The following UNC5B variants were observed in gnomAD, a reference collection of about 807,000 sequenced individuals.
The protein encoded by UNC5B is unc-5 netrin receptor B.
UNC5B carries 56 observed loss-of-function variants against 103.7 expected under a neutral mutation model. The ratio of observed to expected loss-of-function variants is 0.54; its 90% CI spans 0.44 to 0.67. The LOEUF (loss-of-function observed/expected upper bound fraction) is 0.67, where lower values mean the gene tolerates loss of function less well. UNC5B is among the 30% of genes least tolerant of loss of function. The pLI, the probability that UNC5B is intolerant of heterozygous loss-of-function variation, is 0.00. For missense variants in UNC5B, 1,194 were observed against 1,284.5 expected (o/e 0.93, Z 1.08); for synonymous variants, 577 against 542.0 (o/e 1.06, Z -0.90).
intron 8 of UNC5B, among the ~76,000 whole-genome samples, chr10:71,289,402 CT>C (rs1289192263): frequency 3.9e-5 from 6 of 152,192 alleles, no homozygotes; most frequent in African/African-American, 1.2e-4. Flanking sequence ...CCAGTCCCCC[CT>C]CATGCCCCTT....
At chr10:71,293,657 T>C (rs200540956) in intron 12 of UNC5B, 43 bp from the exon 13 acceptor site, 7 of 1,602,206 alleles carry the variant, frequency 4.4e-6, no homozygotes, top group Non-Finnish European at 6.0e-6. Context: ...TGGCCCAGCC[T>C]GAATAACTGT....
intron 1 of UNC5B, among the ~76,000 whole-genome samples, chr10:71,254,637 T>A (rs1017035131): frequency 6.6e-6 from 1 of 152,182 alleles, no homozygotes; most frequent in Non-Finnish European, 1.5e-5. Context: ...TTCTCCCGCC[T>A]CCCACCTTCC....
intron 1 of UNC5B, among the ~76,000 whole-genome samples, chr10:71,227,251 C>T (rs979248763): frequency 9.9e-5 from 15 of 152,134 alleles, no homozygotes; most frequent in Non-Finnish European, 1.2e-4. Flanking sequence ...TCTCAAAGTG[C>T]TGGGATTACA....
At position 71,286,873 on chromosome 10, in the gene UNC5B, C is replaced by T. The variant is rs556298114; in HGVS notation, c.733+4C>T. Reference sequence around the variant, plus strand: ...ACTGCCACCGTCATCGTCTACGGTGCGGGCCTTTCGGAGTGGGAGGGGCAG... The same window carrying T: ...ACTGCCACCGTCATCGTCTACGGTGTGGGCCTTTCGGAGTGGGAGGGGCAG... On this transcript the variant is annotated splice_donor_region_variant and intron_variant, in intron 5 of 16. Coordinates refer to ENST00000335350, the MANE Select transcript of UNC5B (RefSeq NM_170744.5). 2.3e-5 allele frequency: 37 copies of T among 1,611,966 alleles called. No homozygotes were observed. In the South Asian group the frequency reaches 3.4e-4, roughly 15 times the overall value.
intron 14 of UNC5B, 134 bp from the exon 15 acceptor site, chr10:71,296,444 A>G (rs1845413896): frequency 2.8e-5 from 29 of 1,022,368 alleles, no homozygotes; most frequent in Non-Finnish European, 4.0e-5. Flanking sequence ...AGCTTAGGGC[A>G]CTTGACCCCT....
intron 1 of UNC5B, among the ~76,000 whole-genome samples, chr10:71,223,115 G>A (rs902529288): frequency 2.6e-5 from 4 of 152,168 alleles, no homozygotes; most frequent in South Asian, 2.1e-4. Context: ...GGGCTCCAGG[G>A]TTGGGGAGAC....
intron 1 of UNC5B, among the ~76,000 whole-genome samples, chr10:71,256,488 C>G (rs1372595399): frequency 6.6e-6 from 1 of 152,270 alleles, no homozygotes; most frequent in African/African-American, 2.4e-5. Context: ...GTGACAGGGG[C>G]AACCACCATT....
rs1229928825 is a variant in UNC5B at position 71,299,105 on chromosome 10, C to G, written c.2673-7C>G. ...GGGAACCTCAGTGCCCTCCTTCCCT[C>G]TGCCAGGTACCTGAATTACTTTGCC... On this transcript the variant is annotated splice_region_variant and splice_polypyrimidine_tract_variant and intron_variant, in intron 16 of 16. Coordinates refer to ENST00000335350, the MANE Select transcript of UNC5B (RefSeq NM_170744.5). 1 of 1,614,138 alleles carries G rather than the reference C, an allele frequency of 6.2e-7. No homozygotes were observed. The highest frequency in any genetic ancestry group is 1.6e-4 in the Middle Eastern group (1 of 6,062).
chr10:71,271,954 G>A (rs113065070), intron 1 of UNC5B, among the ~76,000 whole-genome samples: 6 of 152,264 alleles, frequency 3.9e-5, no homozygotes, highest in African/African-American at 1.2e-4. Context: ...CATCGGTAAC[G>A]GCCATTGTGA....
At chr10:71,225,672 T>G (rs1353391361) in intron 1 of UNC5B, among the ~76,000 whole-genome samples, 5 of 152,084 alleles carry the variant, frequency 3.3e-5, no homozygotes, top group Admixed American at 3.3e-4. Flanking sequence ...GAGTAGAGAG[T>G]TAGAGTTTTC....
chr10:71,269,032 G>A (rs952059823), intron 1 of UNC5B, among the ~76,000 whole-genome samples: 17 of 152,292 alleles, frequency 1.1e-4, no homozygotes, highest in Admixed American at 1.1e-3. Flanking sequence ...GGGGGCTGGT[G>A]GGGGGAGACA....
intron 1 of UNC5B, among the ~76,000 whole-genome samples, chr10:71,258,417 T>C (rs941078026): frequency 1.1e-4 from 16 of 152,292 alleles, no homozygotes; most frequent in African/African-American, 3.6e-4. Context: ...GAAGACCTGG[T>C]GGTCTCAGCC....
chr10:71,289,247 G>C (rs962018950), intron 8 of UNC5B, among the ~76,000 whole-genome samples: 4 of 152,254 alleles, frequency 2.6e-5, no homozygotes, highest in African/African-American at 9.6e-5. Context: ...CTGAGTCACA[G>C]AGAGAGGAAG....
At chr10:71,253,905 T>C (rs2132273362) in intron 1 of UNC5B, among the ~76,000 whole-genome samples, 1 of 152,114 alleles carries the variant, frequency 6.6e-6, no homozygotes, top group East Asian at 1.9e-4. Context: ...AGGTGGAGGG[T>C]CCCAGGGACC....
At chr10:71,289,606 G>A (rs988024243) in intron 8 of UNC5B, among the ~76,000 whole-genome samples, 7 of 152,250 alleles carry the variant, frequency 4.6e-5, no homozygotes, top group Non-Finnish European at 1.0e-4. Flanking sequence ...AGTTAGTTCT[G>A]GAATCATAAA....
At chr10:71,269,308 G>T (rs1844590933) in intron 1 of UNC5B, among the ~76,000 whole-genome samples, 5 of 147,216 alleles carry the variant, frequency 3.4e-5, no homozygotes, top group Admixed American at 2.1e-4. Flanking sequence ...CCAAACATCT[G>T]TTTTCAATTA....
chr10:71,259,784 C>T (rs1430848738), intron 1 of UNC5B, among the ~76,000 whole-genome samples: 1 of 152,236 alleles, frequency 6.6e-6, no homozygotes, highest in East Asian at 1.9e-4. Context: ...GGTAGCTCAG[C>T]CATAGCCAGG....
At chr10:71,253,123 C>T (rs1844213011) in intron 1 of UNC5B, among the ~76,000 whole-genome samples, 1 of 152,216 alleles carries the variant, frequency 6.6e-6, no homozygotes, top group Non-Finnish European at 1.5e-5. Flanking sequence ...ACTTCACCTC[C>T]TCACCTGTGG....
At chr10:71,238,155 C>T (rs894173542) in intron 1 of UNC5B, among the ~76,000 whole-genome samples, 24 of 152,266 alleles carry the variant, frequency 1.6e-4, no homozygotes, top group African/African-American at 5.5e-4. Flanking sequence ...GCCCCCCTGC[C>T]CTGGGTGGAA....
Sources: gnomAD v4.1 joint callset for allele counts (sites outside exome capture counted in the v4.1 genomes callset) on GRCh38, gnomAD v4.1.1 for gene constraint, MANE v1.5 for transcripts, NCBI Gene and HGNC (gene_info 2026-07-23, HGNC 2026-07-21) for gene names.